ADAM22: variants seen among roughly 807,000 people sequenced by gnomAD.
The protein encoded by ADAM22 is disintegrin and metalloproteinase domain-containing protein 22.
ADAM22 carries 65 observed loss-of-function variants against 144.6 expected under a neutral mutation model. That is an observed-to-expected ratio of 0.45 (90% CI 0.37 to 0.55). The LOEUF (loss-of-function observed/expected upper bound fraction) is 0.55. Ranked by LOEUF, ADAM22 falls within the 20% of genes least tolerant of loss-of-function variation. The probability of loss-of-function intolerance (pLI) is 0.00; values close to 1 mark genes in which losing one functional copy is unlikely to be tolerated. For missense variants in ADAM22, 974 were observed against 1,184.9 expected, an observed-to-expected ratio of 0.82 and a Z score of 2.61; for synonymous variants, 391 against 412.6, an observed-to-expected ratio of 0.95 and a Z score of 0.63.
intron 14 of ADAM22, among the ~76,000 whole-genome samples, chr7:88,140,720 C>G (rs1217528913): frequency 1.3e-5 from 2 of 152,070 alleles, no homozygotes; most frequent in African/African-American, 4.8e-5. Flanking sequence ...CCTGTAGTCC[C>G]AGCTACTCGG....
chr7:88,043,484 C>CA (rs537365074), intron 3 of ADAM22, among the ~76,000 whole-genome samples: 19,085 of 92,012 alleles, frequency 0.21, 1,735 homozygotes, highest in African/African-American at 0.32. Context: ...GGCTCAGTAT[C>CA]AAAAAAAAAA....
At chr7:88,064,366 A>G (rs1810655730) in intron 3 of ADAM22, among the ~76,000 whole-genome samples, 1 of 152,196 alleles carries the variant, frequency 6.6e-6, no homozygotes, top group Non-Finnish European at 1.5e-5. Context: ...AACACTTAGT[A>G]CTACTAACCG....
At chr7:88,134,839 G>T (rs2129503467) in intron 13 of ADAM22, among the ~76,000 whole-genome samples, 1 of 152,158 alleles carries the variant, frequency 6.6e-6, no homozygotes, top group Admixed American at 6.5e-5. Flanking sequence ...AAAAAGCTTA[G>T]TTAATATATG....
chr7:87,946,703 G>T (rs1843755868), intron 2 of ADAM22, among the ~76,000 whole-genome samples: 1 of 152,080 alleles, frequency 6.6e-6, no homozygotes, highest in South Asian at 2.1e-4. Flanking sequence ...GTGTTCCACT[G>T]GTCTATGTAT....
intron 25 of ADAM22, among the ~76,000 whole-genome samples, chr7:88,170,148 T>A (rs1033948499): frequency 6.6e-6 from 1 of 152,058 alleles, no homozygotes; most frequent in African/African-American, 2.4e-5. Context: ...AGCTGGAAAC[T>A]CATTTAAGTT....
At chr7:88,014,172 T>C (rs557403491) in intron 3 of ADAM22, among the ~76,000 whole-genome samples, 1 of 152,316 alleles carries the variant, frequency 6.6e-6, no homozygotes, top group East Asian at 1.9e-4. Flanking sequence ...AACACTCCTC[T>C]AAGCTGATGA....
intron 2 of ADAM22, among the ~76,000 whole-genome samples, chr7:87,961,326 T>C (rs901048826): frequency 2.0e-5 from 3 of 152,150 alleles, no homozygotes; most frequent in Non-Finnish European, 4.4e-5. Context: ...GAAGATCTTA[T>C]TGGAAACTGT....
At chr7:88,007,413 G>A (rs903161807) in intron 3 of ADAM22, among the ~76,000 whole-genome samples, 4 of 152,188 alleles carry the variant, frequency 2.6e-5, no homozygotes, top group African/African-American at 9.6e-5. Flanking sequence ...AAGTTCATAT[G>A]GAACCAAAAA....
At chr7:88,044,790 A>G (rs1461758853) in intron 3 of ADAM22, among the ~76,000 whole-genome samples, 36 of 143,170 alleles carry the variant, frequency 2.5e-4, no homozygotes, top group Middle Eastern at 4.2e-3. Flanking sequence ...CAGTGGCGCG[A>G]TCTCGGCTCA....
At chr7:88,098,304 G>C (rs965837189) in intron 4 of ADAM22, among the ~76,000 whole-genome samples, 1 of 152,104 alleles carries the variant, frequency 6.6e-6, no homozygotes, top group African/African-American at 2.4e-5. Context: ...GATGAGTGAT[G>C]CCATGGTAGA....
Position 88,190,425 on chromosome 7 carries a change from C to T in ADAM22, c.2751-2691C>T, listed in dbSNP as rs554565207. 3.3e-5 allele frequency among the ~76,000 whole-genome samples: 5 copies of T among 152,138 alleles called. No individual in the cohort carries two copies. In the East Asian group the frequency reaches 9.7e-4, roughly 29 times the overall value. The stretch of plus-strand genomic sequence containing the variant: ...TGGCGCATTCCTATAGTCCCAGCTA[C>T]TCGGGAGGCTGAGGCAGGAGAATCG... On this transcript the variant is annotated intron_variant, in intron 30 of 31. Coordinates refer to ENST00000413139, the MANE Select transcript of ADAM22 (RefSeq NM_001324418.2).
chr7:87,942,476 G>C (rs1842668195), intron 2 of ADAM22, among the ~76,000 whole-genome samples: 1 of 152,076 alleles, frequency 6.6e-6, no homozygotes. Flanking sequence ...TTATGGAAGG[G>C]GGCCACCAAC....
chr7:87,934,951 A>C, intron 1 of ADAM22, 75 bp from the exon 2 acceptor site: 1 of 1,594,398 alleles, frequency 6.3e-7, no homozygotes, highest in Non-Finnish European at 8.6e-7. Flanking sequence ...GGACTGCAGG[A>C]TGGAGGAGTG....
Position 88,114,667 on chromosome 7 carries a change from GT to G in ADAM22, c.537+22del. ...ACTCAAGTAAGTGCTCCTTCTGTTT[GT>G]TGTGGCAAATGGAAATGTTTATGCT... On this transcript the variant is annotated intron_variant, in intron 6 of 31. Transcript: ENST00000413139. 1 of 1,611,978 alleles carries G rather than the reference GT, an allele frequency of 6.2e-7. No homozygotes were observed. The highest frequency in any genetic ancestry group is 2.2e-5 in the East Asian group (1 of 44,808).
chr7:88,135,967 A>G lies in ADAM22; in HGVS notation c.1169-13A>G. 5 of 1,606,660 alleles carry G rather than the reference A, an allele frequency of 3.1e-6. No homozygotes were observed. Among genetic ancestry groups the G allele is most frequent in the Non-Finnish European group, 4.3e-6 (5 of 1,176,274 alleles). On this transcript the variant is annotated splice_polypyrimidine_tract_variant and intron_variant, in intron 13 of 31. Coordinates refer to ENST00000413139, the MANE Select transcript of ADAM22 (RefSeq NM_001324418.2). Reference sequence around the variant, plus strand: ...CACTTTATAACAAGGCATGTGTATTAATTTTCTCTTAGGTGAATGTAAATG... The same window carrying G: ...CACTTTATAACAAGGCATGTGTATTGATTTTCTCTTAGGTGAATGTAAATG...
intron 14 of ADAM22, among the ~76,000 whole-genome samples, chr7:88,140,784 G>A (rs1169756310): frequency 6.6e-6 from 1 of 151,960 alleles, no homozygotes; most frequent in East Asian, 1.9e-4. Flanking sequence ...TGCAGTGAGT[G>A]GAGATCACAC....
chr7:88,067,627 A>G (rs375379332), intron 3 of ADAM22, among the ~76,000 whole-genome samples: 2 of 152,268 alleles, frequency 1.3e-5, no homozygotes, highest in South Asian at 2.1e-4. Flanking sequence ...TTTTTAAAAA[A>G]TCTGATTCTG....
chr7:88,196,568 G>A lies in ADAM22; in HGVS notation c.*77G>A. 6.8e-7 allele frequency: 1 copy of A among 1,481,260 alleles called. No individual in the cohort carries two copies. The highest frequency in any genetic ancestry group is 9.4e-7 in the Non-Finnish European group (1 of 1,061,172). 91.8% of individuals were successfully genotyped at this position (1,481,260 alleles called of 1,614,324 possible). ...AGAAACCCAGGCTCATGGAATCACT[G>A]CAAATCTATCTGCTCTTCAGACAAT... On this transcript the variant is annotated 3_prime_UTR_variant, in exon 32 of 32. Transcript: ENST00000413139.
chr7:88,132,886 A>G lies in ADAM22; in HGVS notation c.1012A>G (p.Ser338Gly), dbSNP rs1404581241. The part of the protein sequence containing the change: ...HLFSGSQFES[S>G]RSGAAYIGGI... ...TAAAAGGGGAAGTCAATTTGAGAGTAGCCGGAGCGGGGCAGCTTATATTGG... is the reference window on the plus strand; with the variant it reads ...TAAAAGGGGAAGTCAATTTGAGAGTGGCCGGAGCGGGGCAGCTTATATTGG... The change falls in exon 12 of 32, where the codon AGC (serine) becomes GGC (glycine). Residue 338 changes from serine to glycine, a missense_variant. Around this residue, in one of 2 missense-constraint regions of ADAM22, gnomAD observed 734 missense variants for 950.6 expected, o/e 0.77. Coordinates refer to ENST00000413139, the MANE Select transcript of ADAM22 (RefSeq NM_001324418.2). The G allele has an allele frequency of 6.2e-7, 1 of 1,613,846 alleles. No homozygotes were observed. The highest frequency in any genetic ancestry group is 8.5e-7 in the Non-Finnish European group (1 of 1,179,904).
Sources: gnomAD v4.1 joint callset for allele counts (sites outside exome capture counted in the v4.1 genomes callset) on GRCh38, gnomAD v4.1.1 for gene constraint, gnomAD v4.1.1 regional missense constraint, MANE v1.5 for transcripts, NCBI Gene and HGNC (gene_info 2026-07-23, HGNC 2026-07-21) for gene names.